FBXO11: variants seen among roughly 807,000 people sequenced by gnomAD.
The protein encoded by FBXO11 is F-box only protein 11.
Under a neutral mutation model 117.0 loss-of-function variants are expected in FBXO11, and 13 were observed. The ratio of observed to expected loss-of-function variants is 0.11; its 90% CI spans 0.07 to 0.18. The LOEUF is 0.18. Ranked by LOEUF, FBXO11 falls within the 10% of genes least tolerant of loss-of-function variation. FBXO11 has a pLI of 1.00. For missense variants in FBXO11, 767 were observed against 1,164.4 expected, an observed-to-expected ratio of 0.66 and a Z score of 4.97; for synonymous variants, 490 against 380.5, an observed-to-expected ratio of 1.29 and a Z score of -3.35.
At chr2:47,821,390 C>G (rs1472338984) in intron 13 of FBXO11, among the ~76,000 whole-genome samples, 1 of 152,172 alleles carries the variant, frequency 6.6e-6, no homozygotes, top group African/African-American at 2.4e-5. Context: ...GCAGGCAGAT[C>G]ACAAGGTCAG....
chr2:47,829,555 A>T (rs1041753283), intron 11 of FBXO11, among the ~76,000 whole-genome samples: 7 of 152,172 alleles, frequency 4.6e-5, no homozygotes, highest in Non-Finnish European at 1.0e-4. Flanking sequence ...TGACATTTTA[A>T]TCTTATTTTA....
intron 1 of FBXO11, among the ~76,000 whole-genome samples, chr2:47,846,953 G>A (rs1028491383): frequency 1.3e-5 from 2 of 152,074 alleles, no homozygotes; most frequent in African/African-American, 2.4e-5. Flanking sequence ...ACAAGAATAC[G>A]TTCTGAGAAG....
intron 1 of FBXO11, among the ~76,000 whole-genome samples, chr2:47,901,742 C>T (rs1678317201): frequency 6.6e-6 from 1 of 152,064 alleles, no homozygotes; most frequent in Non-Finnish European, 1.5e-5. Flanking sequence ...GACTTGTAAG[C>T]TTTCCTCATA....
At chr2:47,900,727 CACACGTGTATATATAT>C (rs1263321373) in intron 1 of FBXO11, among the ~76,000 whole-genome samples, 1 of 120,662 alleles carries the variant, frequency 8.3e-6, no homozygotes, top group African/African-American at 3.1e-5. Flanking sequence ...CACGTATACA[CACACGTGTATATATAT>C]ACACGTATAC....
At chr2:47,859,087 T>C (rs371302044) in intron 1 of FBXO11, among the ~76,000 whole-genome samples, 2 of 150,038 alleles carry the variant, frequency 1.3e-5, no homozygotes, top group South Asian at 4.2e-4. Context: ...AAAGTATTAA[T>C]AGCTATAAAA....
At chr2:47,850,585 A>T (rs1254965648) in intron 1 of FBXO11, among the ~76,000 whole-genome samples, 1 of 152,238 alleles carries the variant, frequency 6.6e-6, no homozygotes, top group Non-Finnish European at 1.5e-5. Flanking sequence ...GTCAAAATTA[A>T]CAATACTCTA....
intron 1 of FBXO11, among the ~76,000 whole-genome samples, chr2:47,863,466 G>C (rs960793750): frequency 3.9e-5 from 6 of 152,104 alleles, no homozygotes; most frequent in Non-Finnish European, 7.3e-5. Flanking sequence ...AAATCATAAA[G>C]GCATTAGTTT....
At chr2:47,885,206 T>C (rs1230272416) in intron 1 of FBXO11, among the ~76,000 whole-genome samples, 6 of 152,036 alleles carry the variant, frequency 3.9e-5, no homozygotes, top group Admixed American at 3.3e-4. Flanking sequence ...AAGGAAGTGA[T>C]CGAATACTGA....
chr2:47,870,455 A>G (rs1336060207), intron 1 of FBXO11, among the ~76,000 whole-genome samples: 2 of 152,194 alleles, frequency 1.3e-5, no homozygotes, highest in African/African-American at 2.4e-5. Context: ...GTGGGGCCTA[A>G]TTCAATAGGA....
chr2:47,873,289 T>C (rs1675758642), intron 1 of FBXO11, among the ~76,000 whole-genome samples: 1 of 152,160 alleles, frequency 6.6e-6, no homozygotes, highest in African/African-American at 2.4e-5. Flanking sequence ...CTGGTATTTC[T>C]CTCCCACAAT....
At chr2:47,839,909 A>G in intron 1 of FBXO11, 140 bp from the exon 2 acceptor site, 2 of 655,732 alleles carry the variant, frequency 3.1e-6, no homozygotes, top group Non-Finnish European at 5.0e-6. Flanking sequence ...CTGGATAGCT[A>G]TATGAAAGAA....
intron 1 of FBXO11, among the ~76,000 whole-genome samples, chr2:47,882,887 G>C (rs1310107727): frequency 6.6e-6 from 1 of 152,098 alleles, no homozygotes; most frequent in Non-Finnish European, 1.5e-5. Context: ...GAGCTCAAGC[G>C]ATCTCCCTGT....
intron 1 of FBXO11, among the ~76,000 whole-genome samples, chr2:47,885,507 G>A (rs1305613464): frequency 6.6e-6 from 1 of 152,020 alleles, no homozygotes; most frequent in African/African-American, 2.4e-5. Context: ...CCCAGGAGGT[G>A]GAGGCTGCAG....
At chr2:47,904,798 A>ATATT (rs978476548) in intron 1 of FBXO11, among the ~76,000 whole-genome samples, 2 of 151,936 alleles carry the variant, frequency 1.3e-5, no homozygotes, top group Non-Finnish European at 2.9e-5. Context: ...GATGGATTCT[A>ATATT]TATTTATTTA....
chr2:47,881,129 G>T (rs1289092305), intron 1 of FBXO11, among the ~76,000 whole-genome samples: 1 of 151,952 alleles, frequency 6.6e-6, no homozygotes, highest in Non-Finnish European at 1.5e-5. Context: ...GCGGGTGCCT[G>T]CAGTCCCAGT....
Position 47,905,522 on chromosome 2 carries a change from G to C in FBXO11, c.199C>G (p.Leu67Val). ...PPPPPPPPPP[L>V]PQERNNVGER... is the part of the protein sequence containing the mutation. ...CCGACGTTGTTCCGCTCCTGAGGCA[G>C]CGGCGGAGGCGGCGGTGGCGGCGGC... Residue 67 changes from leucine (L) to valine (V), a missense_variant, in exon 1 of 23, where the codon CTG becomes GTG. Around this residue, in one of 10 missense-constraint regions of FBXO11, gnomAD observed 355 missense variants for 299.8 expected, o/e 1.18. Transcript: ENST00000403359. The C allele has an allele frequency of 8.1e-7, 1 of 1,233,468 alleles. No individual in the cohort carries two copies. Among genetic ancestry groups the C allele is most frequent in the Non-Finnish European group, 1.0e-6 (1 of 990,964 alleles). 76.4% of individuals were successfully genotyped at this position (1,233,468 alleles called of 1,614,324 possible).
chr2:47,891,010 G>C (rs940129580), intron 1 of FBXO11, among the ~76,000 whole-genome samples: 1 of 150,468 alleles, frequency 6.6e-6, no homozygotes, highest in Non-Finnish European at 1.5e-5. Flanking sequence ...TTTTTGTAGA[G>C]ATGGAGTCTC....
chr2:47,835,029 A>C (rs995123261), intron 5 of FBXO11, among the ~76,000 whole-genome samples, 158 bp from the exon 6 acceptor site: 5 of 152,240 alleles, frequency 3.3e-5, no homozygotes, highest in Admixed American at 3.3e-4. Context: ...AATCTAAAAC[A>C]AGTTATGATC....
chr2:47,864,666 T>C (rs1675061005), intron 1 of FBXO11, among the ~76,000 whole-genome samples: 1 of 152,186 alleles, frequency 6.6e-6, no homozygotes, highest in Non-Finnish European at 1.5e-5. Flanking sequence ...TTATTTATGT[T>C]ATAAACAAAC....
Sources: allele counts gnomAD v4.1 joint callset (sites outside exome capture counted in the v4.1 genomes callset), GRCh38; gene constraint gnomAD v4.1.1; regional missense constraint gnomAD v4.1.1; transcripts MANE v1.5; gene names NCBI Gene and HGNC (gene_info 2026-07-23, HGNC 2026-07-21).